Variants in E4F1 observed in about 807,000 individuals in gnomAD.
E4F1 encodes the protein transcription factor E4F1.
Under a neutral mutation model 72.9 loss-of-function variants are expected in E4F1, and 30 were observed. The ratio of observed to expected loss-of-function variants is 0.41; its 90% CI spans 0.31 to 0.56. The LOEUF (loss-of-function observed/expected upper bound fraction) is 0.56. E4F1 is among the 20% of genes least tolerant of loss of function. The pLI is 0.25. For missense variants in E4F1, 1,091 were observed against 1,117.5 expected (o/e 0.98, Z 0.34); for synonymous variants, 542 against 478.2 (o/e 1.13, Z -1.74).
At chr16:2,229,974 T>C in intron 3 of E4F1, 1 of 348,236 alleles carries the variant, frequency 2.9e-6, no homozygotes, top group Non-Finnish European at 5.6e-6. Flanking sequence ...CCCAGAATCT[T>C]CCCCACTTCC....
intron 4 of E4F1, 38 bp downstream of exon 4, chr16:2,232,402 G>A (rs2093472916): frequency 1.2e-6 from 2 of 1,602,360 alleles, no homozygotes; most frequent in South Asian, 1.1e-5. Context: ...GTGGGTGGCA[G>A]GCCCCCTCCT....
chr16:2,224,477 C>T (rs917665223), intron 1 of E4F1, among the ~76,000 whole-genome samples: 2 of 152,176 alleles, frequency 1.3e-5, no homozygotes, highest in African/African-American at 4.8e-5. Context: ...TGAGGAAAAT[C>T]GAAGGTTGGA....
chr16:2,235,057 CTG>C, intron 12 of E4F1, 22 bp from the exon 13 acceptor site: 1 of 1,612,300 alleles, frequency 6.2e-7, no homozygotes, highest in Non-Finnish European at 8.5e-7. Flanking sequence ...AGGCTGACCT[CTG>C]TCCTTCTGCC....
chr16:2,226,015 C>T (rs1269236529), intron 1 of E4F1, among the ~76,000 whole-genome samples: 1 of 151,880 alleles, frequency 6.6e-6, no homozygotes, highest in Non-Finnish European at 1.5e-5. Flanking sequence ...ATGGCATGAG[C>T]CCAGGAGGCA....
intron 8 of E4F1, 51 bp from the exon 9 acceptor site, chr16:2,233,831 G>A (rs2093484470): frequency 6.7e-7 from 1 of 1,499,532 alleles, no homozygotes; most frequent in Non-Finnish European, 9.0e-7. Flanking sequence ...TCTTGGTACT[G>A]CCAGGGCACA....
In E4F1 at chr16:2,229,660, G is replaced by C; in HGVS notation, c.400G>C (p.Ala134Pro). 1.2e-6 allele frequency: 2 copies of C among 1,612,932 alleles called. No individual in the cohort carries two copies. Among genetic ancestry groups the C allele is most frequent in the Non-Finnish European group, 8.5e-7 (1 of 1,179,938 alleles). Residue 134 changes from alanine (A) to proline (P), a missense_variant, in exon 3 of 14, where the codon GCA becomes CCA. By Grantham distance (27) the Ala-to-Pro change is conservative. Around this residue, in one of 5 missense-constraint regions of E4F1, gnomAD observed 362 missense variants for 358.6 expected, o/e 1.01. Coordinates refer to ENST00000301727, the MANE Select transcript of E4F1 (RefSeq NM_004424.5). ...AASLAADISH[A>P]SDLVGGGHIK... ...CTCTCTGGCAGCAGACATCAGCCAC[G>C]CATCTGACCTTGTTGGTAAGCCGAC...
intron 8 of E4F1, 21 bp downstream of exon 8, chr16:2,233,668 C>A: frequency 6.6e-7 from 1 of 1,524,680 alleles, no homozygotes; most frequent in Non-Finnish European, 8.8e-7. Context: ...GCACCACCTG[C>A]GGGCTCCTCC....
chr16:2,233,990 G>T lies in E4F1; in HGVS notation c.1375G>T (p.Gly459Trp). 1 of 1,584,332 alleles carries T rather than the reference G, an allele frequency of 6.3e-7. No homozygotes were observed. Among genetic ancestry groups the T allele is most frequent in the East Asian group, 2.3e-5 (1 of 43,276 alleles). ...TLEAHKRGHT[G>W]PRPFACAQCG... The stretch of plus-strand genomic sequence containing the variant: ...GGAGGCCCACAAGAGGGGCCACACC[G>T]GTAGGTGATGGGTGGGTGTGTGGCC... Residue 459 changes from glycine (G) to tryptophan (W), a missense_variant and splice_region_variant, in exon 9 of 14, where the codon GGG becomes TGG. Gly to Trp is a radical substitution (Grantham distance 184). Around this residue, in one of 5 missense-constraint regions of E4F1, gnomAD observed 622 missense variants for 628.0 expected, o/e 0.99. Transcript: ENST00000301727.
chr16:2,228,294 C>T (rs768181595), intron 1 of E4F1, 78 bp from the exon 2 acceptor site: 1 of 1,580,864 alleles, frequency 6.3e-7, no homozygotes, highest in Non-Finnish European at 8.6e-7. Flanking sequence ...TGTTCTAGGG[C>T]TGGAGGAAAA....
rs769258902 is a variant in E4F1 at position 2,223,600 on chromosome 16, C to T, written c.-14C>T. The T allele has an allele frequency of 1.3e-6, 2 of 1,583,130 alleles. No homozygotes were observed. ...TGGTCGTAAATCCGCCATCTTCCTG[C>T]GGCGCGTTGCGACATGGAGGGCGCG... is the stretch of plus-strand genomic sequence containing the variant. On this transcript the variant is annotated 5_prime_UTR_variant, in exon 1 of 14. Coordinates refer to ENST00000301727, the MANE Select transcript of E4F1 (RefSeq NM_004424.5).
At chr16:2,229,992 C>A (rs1039580084) in intron 3 of E4F1, 3 of 336,962 alleles carry the variant, frequency 8.9e-6, no homozygotes, top group Non-Finnish European at 1.8e-5. Flanking sequence ...TCCCTGCCAC[C>A]CCCTGGTTCC....
intron 1 of E4F1, chr16:2,224,035 T>G (rs1365417623): frequency 4.5e-6 from 6 of 1,327,788 alleles, no homozygotes; most frequent in Non-Finnish European, 5.9e-6. Flanking sequence ...GGGCGCCCGG[T>G]GTAGACATTC....
intron 3 of E4F1, 75 bp downstream of exon 3, chr16:2,229,750 T>G (rs2093455463): frequency 6.7e-7 from 1 of 1,496,522 alleles, no homozygotes; most frequent in Non-Finnish European, 9.2e-7. Flanking sequence ...CCCTGCTGCC[T>G]GTATGCTCGT....
intron 4 of E4F1, 28 bp from the exon 5 acceptor site, chr16:2,232,428 C>T (rs1596765710): frequency 6.2e-7 from 1 of 1,606,686 alleles, no homozygotes; most frequent in Non-Finnish European, 8.5e-7. Flanking sequence ...CCCAGGAGGG[C>T]CCTGAGCTGC....
intron 1 of E4F1, among the ~76,000 whole-genome samples, chr16:2,225,971 T>A (rs1290610653): frequency 6.6e-6 from 1 of 151,910 alleles, no homozygotes; most frequent in Non-Finnish European, 1.5e-5. Context: ...CAGGCGCCTG[T>A]AGTCACAGCT....
intron 3 of E4F1, 82 bp from the exon 4 acceptor site, chr16:2,232,089 G>A: frequency 6.4e-7 from 1 of 1,558,628 alleles, no homozygotes; most frequent in Non-Finnish European, 8.7e-7. Flanking sequence ...AGAGCAGCAG[G>A]TCCCCTCCCC....
intron 3 of E4F1, chr16:2,229,895 A>G: frequency 1.8e-6 from 1 of 541,744 alleles, no homozygotes; most frequent in Non-Finnish European, 3.4e-6. Flanking sequence ...GGGCACACCC[A>G]GGCACCAGGG....
chr16:2,234,157 G>C lies in E4F1; in HGVS notation c.1376-14G>C. 1 of 1,610,274 alleles carries C rather than the reference G, an allele frequency of 6.2e-7. No homozygotes were observed. The highest frequency in any genetic ancestry group is 2.2e-5 in the East Asian group (1 of 44,854). ...CGGGTGATGGGCTTGGCCTGATGCT[G>C]TGTGTGGCTGCAGGGCCGAGGCCGT... On this transcript the variant is annotated splice_polypyrimidine_tract_variant and intron_variant, in intron 9 of 13. Coordinates refer to ENST00000301727, the MANE Select transcript of E4F1 (RefSeq NM_004424.5).
chr16:2,235,422 T>G lies in E4F1; in HGVS notation c.2205T>G (p.Thr735=), dbSNP rs1461481562. 1 of 1,612,318 alleles carries G rather than the reference T, an allele frequency of 6.2e-7. No individual in the cohort carries two copies. The highest frequency in any genetic ancestry group is 1.6e-4 in the Middle Eastern group (1 of 6,062). The change falls in exon 14 of 14, where the codon ACT becomes ACG. Residue 735 remains threonine, a synonymous_variant. Transcript: ENST00000301727. ...TGGCCTCGGCCATCAGCGAGGGCACTGTGCTTGCCGCCCGGGCAGGGACAA... is the reference window on the plus strand; with the variant it reads ...TGGCCTCGGCCATCAGCGAGGGCACGGTGCTTGCCGCCCGGGCAGGGACAA... ...MTLASAISEG[T]VLAARAGTSG...
Sources: gnomAD v4.1 joint callset for allele counts (sites outside exome capture counted in the v4.1 genomes callset) on GRCh38, gnomAD v4.1.1 for gene constraint, gnomAD v4.1.1 regional missense constraint, MANE v1.5 for transcripts, NCBI Gene and HGNC (gene_info 2026-07-23, HGNC 2026-07-21) for gene names.